Variants in ZNF721 observed in about 807,000 individuals in gnomAD.
ZNF721 encodes zinc finger protein 721.
Under a neutral mutation model 2.4 loss-of-function variants are expected in ZNF721, and 2 were observed. That is an observed-to-expected ratio of 0.82 (90% confidence interval 0.34 to 2.58). The LOEUF is 2.58. Among genes scored for constraint, ZNF721 ranks in the 30% most tolerant of loss-of-function variants. The probability of loss-of-function intolerance (pLI) is 0.11; values close to 1 mark genes in which losing one functional copy is unlikely to be tolerated. For missense variants in ZNF721, 1,187 were observed against 1,085.5 expected (o/e 1.09, Z -1.31); for synonymous variants, 398 against 381.8 (o/e 1.04, Z -0.50).
At chr4:466,582 G>C (rs572168214) in intron 2 of ZNF721, among the ~76,000 whole-genome samples, 1 of 152,282 alleles carries the variant, frequency 6.6e-6, no homozygotes, top group African/African-American at 2.4e-5. Context: ...AAAGAAGTCT[G>C]AATGAGGGAT....
chr4:470,897 G>A (rs181138032), intron 2 of ZNF721, among the ~76,000 whole-genome samples: 1 of 152,076 alleles, frequency 6.6e-6, no homozygotes, highest in Non-Finnish European at 1.5e-5. Context: ...CTACTCGGGA[G>A]GCTAAGGCAG....
chr4:496,153 T>TGG (rs151317263), intron 1 of ZNF721, among the ~76,000 whole-genome samples: 1 of 144,880 alleles, frequency 6.9e-6, no homozygotes. Flanking sequence ...TTTTTGTGTG[T>TGG]GGGGGGTAGA....
At chr4:488,417 T>C (rs1715947150) in intron 1 of ZNF721, among the ~76,000 whole-genome samples, 1 of 152,196 alleles carries the variant, frequency 6.6e-6, no homozygotes, top group African/African-American at 2.4e-5. Flanking sequence ...AACAAGAAGT[T>C]TGCCTTTAAT....
chr4:487,487 C>A (rs1553870686), intron 1 of ZNF721, among the ~76,000 whole-genome samples: 1 of 152,108 alleles, frequency 6.6e-6, no homozygotes, highest in East Asian at 1.9e-4. Flanking sequence ...CCAGCTAAGC[C>A]CAGCCTAAAT....
chr4:484,085 G>A (rs550871922), intron 1 of ZNF721, among the ~76,000 whole-genome samples: 1 of 152,320 alleles, frequency 6.6e-6, no homozygotes, highest in Non-Finnish European at 1.5e-5. Flanking sequence ...GAAGAACATG[G>A]ATTGTGAAGA....
At chr4:481,451 C>G (rs1715767279) in intron 1 of ZNF721, among the ~76,000 whole-genome samples, 1 of 152,164 alleles carries the variant, frequency 6.6e-6, no homozygotes, top group Admixed American at 6.5e-5. Context: ...TTTCAAATGT[C>G]TCTTGGCCAT....
At chr4:472,764 G>C in intron 1 of ZNF721, 63 bp from the exon 2 acceptor site, 1 of 1,597,926 alleles carries the variant, frequency 6.3e-7, no homozygotes. Flanking sequence ...AATGTGTTAA[G>C]AGAACCAGTT....
intron 2 of ZNF721, among the ~76,000 whole-genome samples, chr4:457,896 TAG>T (rs782369845): frequency 6.8e-4 from 104 of 152,300 alleles, no homozygotes; most frequent in Admixed American, 2.7e-3. Flanking sequence ...CTCTGTCACC[TAG>T]AGTCTGAAAG....
Position 440,039 on chromosome 4 carries a change from TAA to T in ZNF721, c.*1654_*1655del, listed in dbSNP as rs1166584039. ...CAAAAATTAAGTTCACACATTATCT[TAA>T]GAGAATTTTAAAATTTACTGCATTT... On this transcript the variant is annotated 3_prime_UTR_variant, in exon 3 of 3. Coordinates refer to ENST00000511833, the MANE Select transcript of ZNF721 (RefSeq NM_133474.4). 1.3e-5 allele frequency: 2 copies of T among 152,146 alleles called. No individual in the cohort carries two copies. The highest frequency in any genetic ancestry group is 2.1e-4 in the South Asian group (1 of 4,834). The allele number at this position is 152,146 out of a possible 1,614,324, so 9.4% of individuals were successfully genotyped here. A position where few individuals can be genotyped will look rare whatever the true frequency, so the allele number is the denominator to read the frequency against.
intron 1 of ZNF721, among the ~76,000 whole-genome samples, chr4:497,748 A>AAT (rs1560250323): frequency 2.7e-5 from 4 of 150,438 alleles, no homozygotes; most frequent in African/African-American, 7.4e-5. Context: ...AAAAAAAAAA[A>AAT]TTTGACGGGC....
intron 1 of ZNF721, among the ~76,000 whole-genome samples, chr4:493,038 G>A (rs1156734249): frequency 6.6e-6 from 1 of 151,414 alleles, no homozygotes; most frequent in Non-Finnish European, 1.5e-5. Flanking sequence ...TCTAAATTAT[G>A]ACCAGTTTGT....
At position 473,511 on chromosome 4, in the gene ZNF721, C is replaced by T. The variant is rs192285204; in HGVS notation, c.-93-810G>A. Among the ~76,000 whole-genome samples the T allele has an allele frequency of 7.2e-5, 11 of 152,238 alleles. No individual in the cohort carries two copies. The East Asian group carries it at 1.9e-3, about 27-fold the overall frequency. On this transcript the variant is annotated intron_variant, in intron 1 of 2. Coordinates refer to ENST00000511833, the MANE Select transcript of ZNF721 (RefSeq NM_133474.4). ...TGATTCGCTTCACTTCCTCACACAC[C>T]TCACAAAAGTCTTTTTTTTCAAGAC... is the stretch of plus-strand genomic sequence containing the variant.
chr4:444,669 T>C (rs782185735), intron 2 of ZNF721, among the ~76,000 whole-genome samples: 3 of 152,190 alleles, frequency 2.0e-5, no homozygotes, highest in Admixed American at 1.3e-4. Flanking sequence ...AAGAGCCACA[T>C]AGAACAGGAA....
chr4:453,596 A>G (rs549772425), intron 2 of ZNF721: 1 of 152,342 alleles, frequency 6.6e-6, no homozygotes, highest in East Asian at 1.9e-4. Context: ...TGGTCAGCAC[A>G]TGTGTCTTTG....
At chr4:445,674 TAA>T (rs1176628787) in intron 2 of ZNF721, among the ~76,000 whole-genome samples, 2 of 151,460 alleles carry the variant, frequency 1.3e-5, no homozygotes, top group Admixed American at 1.3e-4. Flanking sequence ...ATTAAAAACA[TAA>T]AAAAAGGAGG....
chr4:492,211 GT>G (rs575860400), intron 1 of ZNF721, among the ~76,000 whole-genome samples: 378 of 151,368 alleles, frequency 2.5e-3, no homozygotes, highest in African/African-American at 8.9e-3. Flanking sequence ...TTAAATTTCA[GT>G]TTTTTCCTAA....
Position 472,671 on chromosome 4 carries a change from C to G in ZNF721, c.-63G>C. 6.2e-7 allele frequency: 1 copy of G among 1,613,646 alleles called. No individual in the cohort carries two copies. Among genetic ancestry groups the G allele is most frequent in the Non-Finnish European group, 8.5e-7 (1 of 1,179,918 alleles). On this transcript the variant is annotated 5_prime_UTR_variant, in exon 2 of 3. The change abolishes the stop of an existing upstream ORF in the 5' untranslated region. Coordinates refer to ENST00000511833, the MANE Select transcript of ZNF721 (RefSeq NM_133474.4). Reference sequence around the variant, plus strand: ...CATTTCCACTCTTCTGGAGAGAATTCTATGGCCACATCCCTGAATGTTAAG... The same window carrying G: ...CATTTCCACTCTTCTGGAGAGAATTGTATGGCCACATCCCTGAATGTTAAG...
chr4:484,412 A>G (rs1369892128), intron 1 of ZNF721, among the ~76,000 whole-genome samples: 6 of 152,260 alleles, frequency 3.9e-5, no homozygotes, highest in African/African-American at 1.4e-4. Context: ...AGGGAATAAG[A>G]GAGATAACCT....
At chr4:444,987 T>A (rs1553863985) in intron 2 of ZNF721, among the ~76,000 whole-genome samples, 2 of 145,714 alleles carry the variant, frequency 1.4e-5, no homozygotes, top group Non-Finnish European at 3.0e-5. Context: ...GACTTTTTTT[T>A]TTTTTTTTTT....
Sources: gnomAD v4.1 joint callset for allele counts (sites outside exome capture counted in the v4.1 genomes callset) on GRCh38, gnomAD v4.1.1 for gene constraint, MANE v1.5 for transcripts, NCBI Gene and HGNC (gene_info 2026-07-23, HGNC 2026-07-21) for gene names.